CACNA1B: variants seen among roughly 807,000 people sequenced by gnomAD.
CACNA1B encodes voltage-dependent N-type calcium channel subunit alpha-1B.
CACNA1B carries 70 observed loss-of-function variants against 247.2 expected under a neutral mutation model. That is an observed-to-expected ratio of 0.28 (90% confidence interval 0.23 to 0.35). The LOEUF is 0.35. Ranked by LOEUF, CACNA1B falls within the 10% of genes least tolerant of loss-of-function variation. The pLI is 1.00. For synonymous variants in CACNA1B, 1,231 were observed against 1,294.4 expected, an observed-to-expected ratio of 0.95 and a Z score of 1.05; for missense variants, 2,367 against 3,197.4, an observed-to-expected ratio of 0.74 and a Z score of 6.26.
At chr9:137,892,284 T>C in intron 3 of CACNA1B, 1 of 456,730 alleles carries the variant, frequency 2.2e-6, no homozygotes, top group Non-Finnish European at 4.4e-6. Context: ...GTTGGCAGGA[T>C]TGGTTTCTGG....
At chr9:138,071,555 C>T (rs1035914468) in intron 32 of CACNA1B, among the ~76,000 whole-genome samples, 5 of 152,230 alleles carry the variant, frequency 3.3e-5, no homozygotes, top group African/African-American at 1.2e-4. Context: ...GGGCGCCCGT[C>T]TCCTGCCCCC....
Position 137,957,535 on chromosome 9 carries a change from G to A in CACNA1B, c.1244-63G>A, listed in dbSNP as rs535178188. 10 of 1,279,464 alleles carry A rather than the reference G, an allele frequency of 7.8e-6. No individual in the cohort carries two copies. The highest frequency in any genetic ancestry group is 5.3e-5 in the East Asian group (2 of 37,486). The allele number at this position is 1,279,464 out of a possible 1,614,324, so 79.3% of individuals were successfully genotyped here. On this transcript the variant is annotated intron_variant, in intron 9 of 46. Transcript: ENST00000371372. This position sits in a 1 kb window ranked among gnomAD's most constrained non-coding sequence, Gnocchi z 4.7. ...CAGGGGGAGGGTGATCCCATGCCCCGCTGAGGCAGGTGGCCTGAGGGCTGC... is the reference window on the plus strand; with the variant it reads ...CAGGGGGAGGGTGATCCCATGCCCCACTGAGGCAGGTGGCCTGAGGGCTGC...
rs1188518792 is a variant in CACNA1B at position 138,023,829 on chromosome 9, C to T, written c.3068+18C>T. ...CAGCCCCGGTGAGTCCGCGGCTGGG[C>T]GGGGTCAGGGAGGGAAGGGTTGGCC... On this transcript the variant is annotated intron_variant, in intron 19 of 46. Transcript: ENST00000371372. 2 of 1,238,406 alleles carry T rather than the reference C, an allele frequency of 1.6e-6. No homozygotes were observed. Among genetic ancestry groups the T allele is most frequent in the Non-Finnish European group, 2.3e-6 (2 of 864,338 alleles). 76.7% of individuals were successfully genotyped at this position (1,238,406 alleles called of 1,614,324 possible).
rs1957867776 is a variant in CACNA1B, at chr9:137,950,639, C to A, written c.967-1635C>A. 6.6e-6 allele frequency among the ~76,000 whole-genome samples: 1 copy of A among 152,140 alleles called. No homozygotes were observed. ...GAGAGCTCCCTGTCCTGCTAGGCTG[C>A]CTTGGTTAGGGAGAGCTGGCTTTTG... On this transcript the variant is annotated intron_variant, in intron 6 of 46. Transcript: ENST00000371372. The surrounding 1 kb of genome is among the most constrained non-coding windows in gnomAD (Gnocchi z 4.8).
chr9:137,934,805 C>T (rs920265917), intron 6 of CACNA1B, among the ~76,000 whole-genome samples: 2 of 152,192 alleles, frequency 1.3e-5, no homozygotes, highest in African/African-American at 4.8e-5. Flanking sequence ...GGGACCACCC[C>T]ATGGGACAAA....
At position 138,050,445 on chromosome 9, in the gene CACNA1B, G is replaced by A. The variant is rs1370143796; in HGVS notation, c.3710+1130G>A. The stretch of plus-strand genomic sequence containing the variant: ...ACCGGGGACATCGCGAGGCGCTCCC[G>A]GTGCAGCTCCTCTCTGGAAGAGCGG... On this transcript the variant is annotated intron_variant, in intron 24 of 46. Coordinates refer to ENST00000371372, the MANE Select transcript of CACNA1B (RefSeq NM_000718.4). The surrounding 1 kb of genome is among the most constrained non-coding windows in gnomAD (Gnocchi z 5.2). Among the ~76,000 whole-genome samples, 3 of 152,228 alleles carry A rather than the reference G, an allele frequency of 2.0e-5. No individual in the cohort carries two copies. The highest frequency in any genetic ancestry group is 4.4e-5 in the Non-Finnish European group (3 of 68,038).
Position 137,971,728 on chromosome 9 carries a change from T to G in CACNA1B, c.1543+136T>G. The G allele has an allele frequency of 1.4e-6, 1 of 729,674 alleles. No individual in the cohort carries two copies. The allele number at this position is 729,674 out of a possible 1,614,324, so 45.2% of individuals were successfully genotyped here. A position where few individuals can be genotyped will look rare whatever the true frequency, so the allele number is the denominator to read the frequency against. The stretch of plus-strand genomic sequence containing the variant: ...TGTTGCTCAAAGTATCCCACAGCCC[T>G]AGTCAGCCTCCAGGAGCCTCTGTGG... On this transcript the variant is annotated intron_variant, in intron 11 of 46. Coordinates refer to ENST00000371372, the MANE Select transcript of CACNA1B (RefSeq NM_000718.4). This position sits in a 1 kb window ranked among gnomAD's most constrained non-coding sequence, Gnocchi z 4.4.
chr9:137,884,554 C>T (rs1588976373), intron 3 of CACNA1B, among the ~76,000 whole-genome samples: 2 of 145,578 alleles, frequency 1.4e-5, no homozygotes, highest in South Asian at 4.8e-4. Flanking sequence ...CCTGTGGACC[C>T]AAGTCCCTGA....
intron 6 of CACNA1B, among the ~76,000 whole-genome samples, chr9:137,932,085 C>G (rs2133305916): frequency 6.6e-6 from 1 of 152,278 alleles, no homozygotes; most frequent in African/African-American, 2.4e-5. Context: ...GAGATCCAGT[C>G]CCCTTCAATT....
intron 3 of CACNA1B, among the ~76,000 whole-genome samples, chr9:137,905,725 A>C (rs1957291884): frequency 6.6e-6 from 1 of 152,250 alleles, no homozygotes; most frequent in East Asian, 1.9e-4. Context: ...GGTCTGATAA[A>C]TTCTTCATCA....
chr9:137,912,349 T>C (rs1957368192), intron 3 of CACNA1B, among the ~76,000 whole-genome samples: 1 of 151,968 alleles, frequency 6.6e-6, no homozygotes, highest in South Asian at 2.1e-4. Flanking sequence ...CAGGAGAGAG[T>C]TGGCCTAAGG....
At chr9:138,047,873 A>G (rs1959196959) in intron 23 of CACNA1B, among the ~76,000 whole-genome samples, 1 of 152,168 alleles carries the variant, frequency 6.6e-6, no homozygotes, top group South Asian at 2.1e-4. Context: ...GTGGGTGCTG[A>G]AGACTTGAAT....
At chr9:138,077,554 G>A (rs1960370742) in intron 35 of CACNA1B, among the ~76,000 whole-genome samples, 1 of 152,216 alleles carries the variant, frequency 6.6e-6, no homozygotes, top group Admixed American at 6.5e-5. Flanking sequence ...TCTGACCTGT[G>A]CTTAGTGGAC....
chr9:137,935,458 A>G (rs1272219224), intron 6 of CACNA1B, among the ~76,000 whole-genome samples: 1 of 152,204 alleles, frequency 6.6e-6, no homozygotes, highest in Non-Finnish European at 1.5e-5. Context: ...GCTGCATAGT[A>G]TTCCATGGTG....
In CACNA1B at chr9:138,109,986, G is replaced by A. The variant is rs140577053; in HGVS notation, c.5429-2412G>A. On this transcript the variant is annotated intron_variant, in intron 39 of 46. Coordinates refer to ENST00000371372, the MANE Select transcript of CACNA1B (RefSeq NM_000718.4). ...GGAAAATTGCTTGAACCTGGGAGTC[G>A]GAGGTTGCAGTGAGCCAAGATAGTG... 2.7e-3 allele frequency among the ~76,000 whole-genome samples: 412 copies of A among 152,082 alleles called. 6 individuals are homozygous for A. In the East Asian group the frequency reaches 0.037, roughly 14 times the overall value.
chr9:138,012,934 C>T lies in CACNA1B; in HGVS notation c.2161-195C>T, dbSNP rs1958742940. On this transcript the variant is annotated intron_variant, in intron 17 of 46. Coordinates refer to ENST00000371372, the MANE Select transcript of CACNA1B (RefSeq NM_000718.4). The surrounding 1 kb of genome is among the most constrained non-coding windows in gnomAD (Gnocchi z 4.2). ...ACAGAAGGGAAGGCCCTGGAGAGCA[C>T]CAGAGACAGCTCCTGTGGAACAGGT... Among the ~76,000 whole-genome samples the T allele has an allele frequency of 6.6e-6, 1 of 151,972 alleles. No individual in the cohort carries two copies. The highest frequency in any genetic ancestry group is 2.4e-5 in the African/African-American group (1 of 41,376).
chr9:137,923,270 G>T (rs1009364467), intron 6 of CACNA1B, among the ~76,000 whole-genome samples: 1 of 147,562 alleles, frequency 6.8e-6, no homozygotes, highest in African/African-American at 2.6e-5. Flanking sequence ...GTGCCAGGTG[G>T]TATTCCATGG....
intron 15 of CACNA1B, among the ~76,000 whole-genome samples, chr9:138,004,915 C>G (rs914044909): frequency 2.0e-5 from 3 of 152,204 alleles, no homozygotes; most frequent in Non-Finnish European, 2.9e-5. Flanking sequence ...CAGGCGAAGA[C>G]AAATCCAAAC....
At chr9:137,903,926 C>T (rs982591735) in intron 3 of CACNA1B, among the ~76,000 whole-genome samples, 1 of 152,206 alleles carries the variant, frequency 6.6e-6, no homozygotes, top group Non-Finnish European at 1.5e-5. Flanking sequence ...GTCCATCCAT[C>T]AGGCTGCTGG....
Sources: allele counts gnomAD v4.1 joint callset (sites outside exome capture counted in the v4.1 genomes callset), GRCh38; gene constraint gnomAD v4.1.1; non-coding constraint Gnocchi (gnomAD v3.1); transcripts MANE v1.5; gene names NCBI Gene and HGNC (gene_info 2026-07-23, HGNC 2026-07-21).